Variants in FBLN1 observed in about 807,000 individuals in gnomAD.
FBLN1 encodes the protein fibulin 1.
FBLN1 carries 34 observed loss-of-function variants against 89.7 expected under a neutral mutation model. The observed-to-expected ratio is 0.38, with a 90% confidence interval of 0.29 to 0.50. The LOEUF is 0.50. Ranked by LOEUF, FBLN1 falls within the 20% of genes least tolerant of loss-of-function variation. FBLN1 has a pLI of 0.92. For missense variants in FBLN1, 777 were observed against 988.1 expected (o/e 0.79, Z 2.86); for synonymous variants, 393 against 391.3 (o/e 1.00, Z -0.05).
rs1056907172 is a variant in FBLN1 at position 45,575,623 on chromosome 22, A to G, written c.1840+970A>G. Among the ~76,000 whole-genome samples, 1 of 152,116 alleles carries G rather than the reference A, an allele frequency of 6.6e-6. No individual in the cohort carries two copies. Among genetic ancestry groups the G allele is most frequent in the Non-Finnish European group, 1.5e-5 (1 of 68,006 alleles). ...GACGGGGAGCAGGAAGCTCAGGTGTAACCCAGTCAGTGCTCCCACACCCCA... is the reference window on the plus strand; with the variant it reads ...GACGGGGAGCAGGAAGCTCAGGTGTGACCCAGTCAGTGCTCCCACACCCCA... On this transcript the variant is annotated intron_variant, in intron 15 of 16. Transcript: ENST00000327858. The surrounding 1 kb of genome is among the most constrained non-coding windows in gnomAD (Gnocchi z 6.3).
At chr22:45,518,144 A>G (rs1438717595) in intron 1 of FBLN1, among the ~76,000 whole-genome samples, 7 of 139,630 alleles carry the variant, frequency 5.0e-5, no homozygotes, top group South Asian at 2.3e-4. Flanking sequence ...AAAAAAAAAG[A>G]AAAAAAAAGA....
Position 45,532,787 on chromosome 22 carries a change from C to T in FBLN1, c.545-276C>T. The T allele has an allele frequency of 3.7e-6, 2 of 541,918 alleles. No individual in the cohort carries two copies. Among genetic ancestry groups the T allele is most frequent in the East Asian group, 3.3e-5 (1 of 30,756 alleles). 33.6% of individuals were successfully genotyped at this position (541,918 alleles called of 1,614,324 possible). A position where few individuals can be genotyped will look rare whatever the true frequency, so the allele number is the denominator to read the frequency against. Reference sequence around the variant, plus strand: ...CAGTGAGCTCTTCTCTGCTTCGCCCCTTCCAGGTCCACCCCAGCCTACAAA... The same window carrying T: ...CAGTGAGCTCTTCTCTGCTTCGCCCTTTCCAGGTCCACCCCAGCCTACAAA... On this transcript the variant is annotated intron_variant, in intron 5 of 16. Transcript: ENST00000327858. The surrounding 1 kb of genome is among the most constrained non-coding windows in gnomAD (Gnocchi z 4.2).
rs1350290846 is a variant in FBLN1 at position 45,581,200 on chromosome 22, A to G, written c.1972+4092A>G. 1.3e-5 allele frequency among the ~76,000 whole-genome samples: 2 copies of G among 152,174 alleles called. No individual in the cohort carries two copies. Among genetic ancestry groups the G allele is most frequent in the Middle Eastern group, 3.2e-3 (1 of 316 alleles). On this transcript the variant is annotated intron_variant, in intron 16 of 16. Transcript: ENST00000327858. This position sits in a 1 kb window ranked among gnomAD's most constrained non-coding sequence, Gnocchi z 7.6. ...TCATCAGCGTGCGGAAGAGAGAGAC[A>G]GAAAGGCAACTCGAGGCCACCCGGG...
chr22:45,591,617 T>C (rs1055498281), intron 16 of FBLN1, among the ~76,000 whole-genome samples: 20 of 152,144 alleles, frequency 1.3e-4, no homozygotes, highest in Admixed American at 1.2e-3. Context: ...CCCCCTTGCT[T>C]CCCGGCTTTT....
Position 45,572,678 on chromosome 22 carries a change from T to G in FBLN1, c.1698-1833T>G, listed in dbSNP as rs1361138110. On this transcript the variant is annotated intron_variant, in intron 14 of 16. Coordinates refer to ENST00000327858, the MANE Select transcript of FBLN1 (RefSeq NM_006486.3). This position sits in a 1 kb window ranked among gnomAD's most constrained non-coding sequence, Gnocchi z 5.8. The stretch of plus-strand genomic sequence containing the variant: ...AATCAGTGGGCGTAGGCCTTGAGCA[T>G]CAGTAGATGCTGTCCTCACAGAGAC... Among the ~76,000 whole-genome samples, 2 of 152,234 alleles carry G rather than the reference T, an allele frequency of 1.3e-5. No individual in the cohort carries two copies. The highest frequency in any genetic ancestry group is 6.5e-5 in the Admixed American group (1 of 15,290).
chr22:45,560,302 G>A (rs960655174), intron 14 of FBLN1, among the ~76,000 whole-genome samples: 2 of 152,322 alleles, frequency 1.3e-5, no homozygotes, highest in South Asian at 4.1e-4. Flanking sequence ...ACCAAGACGA[G>A]CAATTACAGG....
At chr22:45,568,433 C>CCTTCTGTAGGGGAATGCCT (rs1569260011) in intron 14 of FBLN1, among the ~76,000 whole-genome samples, 12 of 68,654 alleles carry the variant, frequency 1.7e-4, no homozygotes, top group African/African-American at 6.7e-4. Context: ...GGGGAGTGCT[C>CCTTCTGTAGGGGAATGCCT]CTTCTGTAGG....
At chr22:45,555,077 C>T (rs2088765266) in intron 14 of FBLN1, among the ~76,000 whole-genome samples, 2 of 146,730 alleles carry the variant, frequency 1.4e-5, no homozygotes, top group Non-Finnish European at 3.0e-5. Flanking sequence ...GAGGTTAGGA[C>T]CCGTCCCCGT....
rs77276236 is a variant in FBLN1, at chr22:45,588,759, T to A, written c.1973-11548T>A. Among the ~76,000 whole-genome samples the A allele has an allele frequency of 0.01, 1,487 of 148,478 alleles. 24 individuals are homozygous for A. Among genetic ancestry groups the A allele is most frequent in the African/African-American group, 0.036 (1,435 of 39,402 alleles). ...GGCACATTCATAAATTATTCTTTTT[T>A]AAAAATGAAATGTTTTAGCCAAACA... On this transcript the variant is annotated intron_variant, in intron 16 of 16. Coordinates refer to ENST00000327858, the MANE Select transcript of FBLN1 (RefSeq NM_006486.3). This position sits in a 1 kb window ranked among gnomAD's most constrained non-coding sequence, Gnocchi z 5.1.
At chr22:45,587,823 C>A (rs57653319) in intron 16 of FBLN1, among the ~76,000 whole-genome samples, 3,054 of 152,318 alleles carry the variant, frequency 0.02, 78 homozygotes, top group African/African-American at 0.068. Context: ...TTCATCCCTC[C>A]AAGCCGATGT....
intron 1 of FBLN1, 178 bp from the exon 2 acceptor site, chr22:45,518,504 C>T (rs1399992064): frequency 1.4e-5 from 9 of 654,558 alleles, no homozygotes; most frequent in African/African-American, 5.3e-5. Context: ...GGTGTGGACT[C>T]GCAGCTGGGG....
At chr22:45,533,229 G>T in intron 6 of FBLN1, 65 bp downstream of exon 6, 1 of 1,438,710 alleles carries the variant, frequency 7.0e-7, no homozygotes, top group South Asian at 1.1e-5. Context: ...CTCTGTGCTG[G>T]AGGACTGACC....
intron 1 of FBLN1, among the ~76,000 whole-genome samples, chr22:45,513,028 T>C (rs6006763): frequency 0.014 from 2,125 of 152,368 alleles, 54 homozygotes; most frequent in African/African-American, 0.049. Flanking sequence ...TGAAGTTTCA[T>C]AGCTTGCCGT....
chr22:45,547,236 G>A, intron 12 of FBLN1, 32 bp downstream of exon 12: 1 of 1,611,320 alleles, frequency 6.2e-7, no homozygotes, highest in South Asian at 1.1e-5. Flanking sequence ...GAGGGGGAAA[G>A]CACCCCCTGG....
chr22:45,583,803 T>TGA lies in FBLN1; in HGVS notation c.1972+6706_1972+6707dup, dbSNP rs371579518. Among the ~76,000 whole-genome samples, 17 of 150,878 alleles carry TGA rather than the reference T, an allele frequency of 1.1e-4. No homozygotes were observed. The highest frequency in any genetic ancestry group is 1.9e-4 in the Non-Finnish European group (13 of 67,658). Reference sequence around the variant, plus strand: ...CCTGCAGCATGAGAGAGAGAGAGAATGAGAGAGAGAGACAGAGAGAGACCT... The same window carrying TGA: ...CCTGCAGCATGAGAGAGAGAGAGAATGAGAGAGAGAGAGACAGAGAGAGACCT... On this transcript the variant is annotated intron_variant, in intron 16 of 16. Coordinates refer to ENST00000327858, the MANE Select transcript of FBLN1 (RefSeq NM_006486.3). This position sits in a 1 kb window ranked among gnomAD's most constrained non-coding sequence, Gnocchi z 4.5.
At chr22:45,547,420 C>T (rs890003513) in intron 12 of FBLN1, among the ~76,000 whole-genome samples, 80 of 113,110 alleles carry the variant, frequency 7.1e-4, no homozygotes, top group African/African-American at 2.3e-3. Flanking sequence ...TTTTGAGACA[C>T]GGTCTTGCTC....
chr22:45,582,521 G>A (rs1409012653), intron 16 of FBLN1, among the ~76,000 whole-genome samples: 1 of 152,196 alleles, frequency 6.6e-6, no homozygotes, highest in African/African-American at 2.4e-5. Flanking sequence ...CCATCATGCT[G>A]CTCCCTGGGA....
chr22:45,594,168 A>G (rs747323902), intron 16 of FBLN1, among the ~76,000 whole-genome samples: 4 of 152,170 alleles, frequency 2.6e-5, no homozygotes, highest in Admixed American at 6.5e-5. Flanking sequence ...GCGATGCTGC[A>G]TGTGGGCAGC....
Position 45,530,509 on chromosome 22 carries a change from C to G in FBLN1, c.485-756C>G, listed in dbSNP as rs2088390956. Among the ~76,000 whole-genome samples the G allele has an allele frequency of 6.6e-6, 1 of 152,134 alleles. No individual in the cohort carries two copies. The highest frequency in any genetic ancestry group is 1.5e-5 in the Non-Finnish European group (1 of 68,032). On this transcript the variant is annotated intron_variant, in intron 4 of 16. Transcript: ENST00000327858. The surrounding 1 kb of genome is among the most constrained non-coding windows in gnomAD (Gnocchi z 5.4). ...GGGGCCATGCAGAAGGTCCCCAGACCAGTGCTGGCCTGCGACAAATAAGTA... is the reference window on the plus strand; with the variant it reads ...GGGGCCATGCAGAAGGTCCCCAGACGAGTGCTGGCCTGCGACAAATAAGTA...
Sources: gnomAD v4.1 joint callset for allele counts (sites outside exome capture counted in the v4.1 genomes callset) on GRCh38, gnomAD v4.1.1 for gene constraint, Gnocchi (gnomAD v3.1) non-coding constraint, MANE v1.5 for transcripts, NCBI Gene and HGNC (gene_info 2026-07-23, HGNC 2026-07-21) for gene names.